Variants in STX17 observed in about 807,000 individuals in gnomAD.
STX17 encodes the protein syntaxin-17.
A neutral mutation model predicts 35.9 loss-of-function variants in STX17; 29 were observed. The observed-to-expected ratio is 0.81, with a 90% CI of 0.60 to 1.10. The LOEUF is 1.10. Among genes scored for constraint, STX17 ranks in the 50% least tolerant of loss-of-function variants. STX17 has a pLI of 0.00. For missense variants in STX17, 312 were observed against 352.3 expected (o/e 0.89, Z 0.92); for synonymous variants, 92 against 118.3 (o/e 0.78, Z 1.44).
At chr9:99,944,510 C>G (rs2118451658) in intron 3 of STX17, among the ~76,000 whole-genome samples, 1 of 137,682 alleles carries the variant, frequency 7.3e-6, no homozygotes, top group East Asian at 2.5e-4. Context: ...TCATTCAGGT[C>G]AAAGCATTTT....
intron 6 of STX17, among the ~76,000 whole-genome samples, chr9:99,962,556 T>C (rs1276736666): frequency 2.0e-5 from 3 of 152,184 alleles, no homozygotes; most frequent in South Asian, 2.1e-4. Context: ...ATGTACAAAG[T>C]TCTTACTCAG....
rs1246841252 is a variant in STX17, at chr9:99,972,776, T to A, written c.*4103T>A. Reference sequence around the variant, plus strand: ...TAACCTTAAATATGAAAGGTGTTTCTCAGGGTCCCCTTTGTCCTTCGTTGC... The same window carrying A: ...TAACCTTAAATATGAAAGGTGTTTCACAGGGTCCCCTTTGTCCTTCGTTGC... On this transcript the variant is annotated 3_prime_UTR_variant, in exon 8 of 8. Coordinates refer to ENST00000259400, the MANE Select transcript of STX17 (RefSeq NM_017919.3). Among the ~76,000 whole-genome samples, 19 of 152,318 alleles carry A rather than the reference T, an allele frequency of 1.2e-4. No individual in the cohort carries two copies. In the East Asian group the frequency reaches 3.5e-3, roughly 28 times the overall value.
intron 2 of STX17, among the ~76,000 whole-genome samples, chr9:99,928,302 T>C (rs1186213567): frequency 2.0e-5 from 3 of 152,112 alleles, no homozygotes; most frequent in Non-Finnish European, 4.4e-5. Context: ...AAGTGCAGTC[T>C]CATTTTTTAT....
At chr9:99,945,152 ATTAAC>A (rs1331695460) in intron 3 of STX17, among the ~76,000 whole-genome samples, 1 of 152,152 alleles carries the variant, frequency 6.6e-6, no homozygotes, top group Non-Finnish European at 1.5e-5. Context: ...AATCCTCTAT[ATTAAC>A]TTAACATCCT....
At chr9:99,943,334 G>T (rs756133739) in intron 3 of STX17, among the ~76,000 whole-genome samples, 1 of 151,730 alleles carries the variant, frequency 6.6e-6, no homozygotes, top group Non-Finnish European at 1.5e-5. Context: ...TTGAGTTGGT[G>T]TCTCACTCTG....
intron 2 of STX17, among the ~76,000 whole-genome samples, chr9:99,925,022 C>T (rs573605455): frequency 4.1e-4 from 63 of 152,060 alleles, no homozygotes; most frequent in African/African-American, 1.5e-3. Flanking sequence ...TTAAATCTAC[C>T]GTCTTGCTAT....
intron 3 of STX17, among the ~76,000 whole-genome samples, chr9:99,931,068 C>A (rs963540916): frequency 6.6e-6 from 1 of 152,148 alleles, no homozygotes; most frequent in African/African-American, 2.4e-5. Context: ...GCAATCTCCA[C>A]CTCCCGGTTT....
intron 3 of STX17, among the ~76,000 whole-genome samples, chr9:99,944,016 CTA>C (rs1301219105): frequency 1.3e-5 from 2 of 151,324 alleles, no homozygotes; most frequent in African/African-American, 4.9e-5. Flanking sequence ...AATTATATGA[CTA>C]TTTTGGTTTC....
chr9:99,958,558 A>G (rs576142528), intron 4 of STX17, among the ~76,000 whole-genome samples: 1 of 152,354 alleles, frequency 6.6e-6, no homozygotes, highest in East Asian at 1.9e-4. Flanking sequence ...CCAGCCAAAG[A>G]GATGAAATAC....
At position 99,950,316 on chromosome 9, in the gene STX17, AAAC is replaced by A. The variant is rs764823534; in HGVS notation, c.190-738_190-736del. Among the ~76,000 whole-genome samples the A allele has an allele frequency of 1.1e-4, 16 of 152,090 alleles. No individual in the cohort carries two copies. In the South Asian group the frequency reaches 1.2e-3, roughly 12 times the overall value. On this transcript the variant is annotated intron_variant, in intron 3 of 7. Transcript: ENST00000259400. ...GAAGTGTTACTGCTTTTTGGGAAAA[AAAC>A]AACAATAGCTTCTGAAATAAAAATG...
At position 99,915,937 on chromosome 9, in the gene STX17, A is replaced by G. The variant is rs543220643; in HGVS notation, c.123+575A>G. ...GATACAAATTGATTGATGGTGCACT[A>G]TAATGTAAAGGCAGAGAACTTTGGC... is the stretch of plus-strand genomic sequence containing the variant. On this transcript the variant is annotated intron_variant, in intron 2 of 7. Coordinates refer to ENST00000259400, the MANE Select transcript of STX17 (RefSeq NM_017919.3). The G allele has an allele frequency of 2.5e-3, 1,075 of 432,056 alleles. 3 individuals are homozygous for G. The highest frequency in any genetic ancestry group is 3.5e-3 in the Non-Finnish European group (765 of 216,754). 26.8% of individuals were successfully genotyped at this position (432,056 alleles called of 1,614,324 possible). A position where few individuals can be genotyped will look rare whatever the true frequency, so the allele number is the denominator to read the frequency against.
intron 6 of STX17, among the ~76,000 whole-genome samples, chr9:99,961,001 A>G (rs1475603224): frequency 6.6e-6 from 1 of 152,198 alleles, no homozygotes; most frequent in Non-Finnish European, 1.5e-5. Context: ...AGTATATTTG[A>G]GAAGCTGAAC....
At chr9:99,966,988 A>G (rs1829925489) in intron 6 of STX17, among the ~76,000 whole-genome samples, 1 of 152,214 alleles carries the variant, frequency 6.6e-6, no homozygotes, top group Non-Finnish European at 1.5e-5. Flanking sequence ...AGGTGTTGCC[A>G]TTTTATGTAG....
intron 3 of STX17, among the ~76,000 whole-genome samples, chr9:99,939,838 A>C (rs1189897866): frequency 1.3e-5 from 2 of 152,244 alleles, no homozygotes; most frequent in African/African-American, 4.8e-5. Context: ...AATAGGAGTT[A>C]CATAGTTCTG....
chr9:99,962,748 A>G (rs759006716), intron 6 of STX17, among the ~76,000 whole-genome samples: 3 of 152,222 alleles, frequency 2.0e-5, no homozygotes, highest in South Asian at 2.1e-4. Context: ...CCTGTTTGTA[A>G]TAATCTGTTT....
intron 4 of STX17, among the ~76,000 whole-genome samples, chr9:99,953,633 A>G (rs1829648894): frequency 6.6e-6 from 1 of 152,078 alleles, no homozygotes; most frequent in Non-Finnish European, 1.5e-5. Context: ...TTAAGGGCTC[A>G]TCTTATGTAC....
intron 3 of STX17, among the ~76,000 whole-genome samples, chr9:99,948,460 T>C (rs1341211417): frequency 9.2e-5 from 14 of 152,136 alleles, no homozygotes; most frequent in Non-Finnish European, 2.1e-4. Flanking sequence ...GTGTTTGCTA[T>C]GTAATAAAGT....
At chr9:99,926,381 G>T (rs1828986272) in intron 2 of STX17, among the ~76,000 whole-genome samples, 1 of 151,726 alleles carries the variant, frequency 6.6e-6, no homozygotes, top group African/African-American at 2.4e-5. Flanking sequence ...ATTATCTTTT[G>T]GATACCAGAC....
At chr9:99,928,027 A>C (rs948511427) in intron 2 of STX17, among the ~76,000 whole-genome samples, 6 of 152,170 alleles carry the variant, frequency 3.9e-5, no homozygotes, top group Admixed American at 1.3e-4. Context: ...TGTTTTGGGA[A>C]TGTGTAAAGT....
Sources: gnomAD v4.1 joint callset for allele counts (sites outside exome capture counted in the v4.1 genomes callset) on GRCh38, gnomAD v4.1.1 for gene constraint, MANE v1.5 for transcripts, NCBI Gene and HGNC (gene_info 2026-07-23, HGNC 2026-07-21) for gene names.